Variants in TEAD4 observed in about 807,000 individuals in gnomAD.
TEAD4 encodes transcriptional enhancer factor TEF-3.
A neutral mutation model predicts 52.4 loss-of-function variants in TEAD4; 36 were observed. The ratio of observed to expected loss-of-function variants is 0.69; its 90% CI spans 0.53 to 0.91. The LOEUF (loss-of-function observed/expected upper bound fraction) is 0.91, where lower values mean the gene tolerates loss of function less well. Among genes scored for constraint, TEAD4 ranks in the 40% least tolerant of loss-of-function variants. The pLI is 0.00. For synonymous variants in TEAD4, 220 were observed against 231.0 expected, an observed-to-expected ratio of 0.95 and a Z score of 0.43; for missense variants, 508 against 583.9, an observed-to-expected ratio of 0.87 and a Z score of 1.34.
chr12:2,988,508 C>CAAA (rs35233597), intron 2 of TEAD4, among the ~76,000 whole-genome samples: 1 of 131,294 alleles, frequency 7.6e-6, no homozygotes, highest in African/African-American at 3.0e-5. Flanking sequence ...AAAAAAAGCT[C>CAAA]AAAAAAAAAA....
rs1031120565 is a variant in TEAD4 at position 3,018,447 on chromosome 12, C to G, written c.484-98C>G. 4 of 1,431,612 alleles carry G rather than the reference C, an allele frequency of 2.8e-6. No homozygotes were observed. The African/African-American group carries it at 5.6e-5, about 20-fold the overall frequency. The allele number at this position is 1,431,612 out of a possible 1,614,324, so 88.7% of individuals were successfully genotyped here. A position where few individuals can be genotyped will look rare whatever the true frequency, so the allele number is the denominator to read the frequency against. ...GAGGCCTCGGGCTCCAGCCTCTCCT[C>G]CCAGTGGAGGCCCTGCCCGGTCCTA... is the stretch of plus-strand genomic sequence containing the variant. On this transcript the variant is annotated intron_variant, in intron 6 of 12. Coordinates refer to ENST00000359864, the MANE Select transcript of TEAD4 (RefSeq NM_003213.4).
At chr12:3,025,998 T>A (rs1277988095) in intron 10 of TEAD4, among the ~76,000 whole-genome samples, 1 of 152,170 alleles carries the variant, frequency 6.6e-6, no homozygotes, top group Non-Finnish European at 1.5e-5. Flanking sequence ...AGTTTCACAT[T>A]GGTGAGCTTT....
intron 10 of TEAD4, among the ~76,000 whole-genome samples, chr12:3,024,282 T>A (rs1290660912): frequency 2.0e-5 from 3 of 152,094 alleles, no homozygotes; most frequent in African/African-American, 7.2e-5. Context: ...TTCACCGTGT[T>A]AGCCAGGATG....
intron 6 of TEAD4, 51 bp downstream of exon 6, chr12:3,017,577 T>TCCTC (rs2098265529): frequency 6.4e-7 from 1 of 1,560,594 alleles, no homozygotes; most frequent in African/African-American, 1.4e-5. Context: ...TCCTCCTCCC[T>TCCTC]CCTCCCTGTT....
chr12:2,978,398 T>G (rs183468795), intron 2 of TEAD4, among the ~76,000 whole-genome samples: 2,990 of 149,168 alleles, frequency 0.02, 94 homozygotes, highest in Admixed American at 0.082. Flanking sequence ...TGTCTTTTTG[T>G]TTTTTTTTGT....
chr12:2,962,943 C>T (rs1021680828), intron 2 of TEAD4, among the ~76,000 whole-genome samples: 1 of 152,196 alleles, frequency 6.6e-6, no homozygotes, highest in Non-Finnish European at 1.5e-5. Context: ...CCCTAGCCGC[C>T]TTCATCCAAC....
At chr12:2,986,894 G>A (rs1591566578) in intron 2 of TEAD4, among the ~76,000 whole-genome samples, 1 of 152,158 alleles carries the variant, frequency 6.6e-6, no homozygotes, top group African/African-American at 2.4e-5. Flanking sequence ...GCAATAGGAA[G>A]TTTTCAGCTC....
At chr12:2,991,616 T>C (rs1000625894) in intron 2 of TEAD4, among the ~76,000 whole-genome samples, 2 of 152,118 alleles carry the variant, frequency 1.3e-5, no homozygotes, top group African/African-American at 4.8e-5. Context: ...GAGCCGAGAT[T>C]GTACCATTGC....
At chr12:2,969,840 C>G (rs1386913139) in intron 2 of TEAD4, among the ~76,000 whole-genome samples, 1 of 152,188 alleles carries the variant, frequency 6.6e-6, no homozygotes, top group Admixed American at 6.5e-5. Context: ...GAAGATGACC[C>G]CCCACAACCC....
chr12:3,017,249 A>T, intron 5 of TEAD4, 149 bp from the exon 6 acceptor site: 1 of 1,032,844 alleles, frequency 9.7e-7, no homozygotes, highest in Non-Finnish European at 1.4e-6. Flanking sequence ...TTGCAAAACA[A>T]GTTAATAGCA....
intron 2 of TEAD4, among the ~76,000 whole-genome samples, chr12:2,967,432 C>G (rs945502916): frequency 6.6e-6 from 1 of 152,078 alleles, no homozygotes; most frequent in Non-Finnish European, 1.5e-5. Flanking sequence ...TTAACTATGC[C>G]CTACTGACTT....
At chr12:3,037,902 C>T (rs1192079511) in intron 10 of TEAD4, 66 bp from the exon 11 acceptor site, 13 of 1,563,928 alleles carry the variant, frequency 8.3e-6, no homozygotes, top group Non-Finnish European at 1.1e-5. Context: ...CCTGAGGTCT[C>T]CTTGATGCTC....
In TEAD4 at chr12:3,018,401, G is replaced by A. The variant is rs1414404092; in HGVS notation, c.484-144G>A. ...CACTCTGGGGGTGCTGCTGTGGCCT[G>A]TTAGCATTCACTAGCTAGGCGAGGC... On this transcript the variant is annotated intron_variant, in intron 6 of 12. Coordinates refer to ENST00000359864, the MANE Select transcript of TEAD4 (RefSeq NM_003213.4). 3 of 875,770 alleles carry A rather than the reference G, an allele frequency of 3.4e-6. No homozygotes were observed. The African/African-American group carries it at 5.0e-5, about 15-fold the overall frequency. The allele number at this position is 875,770 out of a possible 1,614,324, so 54.2% of individuals were successfully genotyped here.
intron 2 of TEAD4, 152 bp downstream of exon 2, chr12:2,960,192 G>A: frequency 1.6e-6 from 1 of 639,374 alleles, no homozygotes. Flanking sequence ...CGGCTCCAGG[G>A]GCGGGTAAGG....
At chr12:3,011,504 T>G (rs1591584396) in intron 4 of TEAD4, among the ~76,000 whole-genome samples, 2 of 151,832 alleles carry the variant, frequency 1.3e-5, no homozygotes, top group East Asian at 3.9e-4. Context: ...AGTGGTAGGA[T>G]TATAGGCGTG....
intron 2 of TEAD4, among the ~76,000 whole-genome samples, chr12:2,964,876 CT>C (rs956884057): frequency 1.3e-5 from 2 of 152,128 alleles, no homozygotes; most frequent in Admixed American, 1.3e-4. Flanking sequence ...GTCGACCAGA[CT>C]TTGTGAGGAG....
chr12:3,032,579 G>C (rs1163321939), intron 10 of TEAD4, among the ~76,000 whole-genome samples: 3 of 152,194 alleles, frequency 2.0e-5, no homozygotes, highest in Non-Finnish European at 4.4e-5. Flanking sequence ...CTGCTTCTTT[G>C]TGTGAATAGT....
chr12:3,017,388 T>A lies in TEAD4; in HGVS notation c.355-10T>A. On this transcript the variant is annotated splice_polypyrimidine_tract_variant and intron_variant, in intron 5 of 12. Transcript: ENST00000359864. Reference sequence around the variant, plus strand: ...CCTGCTGAGGTCCTCCCTTGCAATGTCTCCCCCAGGACCAGGCAGCTAAGG... The same window carrying A: ...CCTGCTGAGGTCCTCCCTTGCAATGACTCCCCCAGGACCAGGCAGCTAAGG... The A allele has an allele frequency of 6.2e-7, 1 of 1,613,976 alleles. No homozygotes were observed. The highest frequency in any genetic ancestry group is 8.5e-7 in the Non-Finnish European group (1 of 1,179,976).
At chr12:2,980,498 C>T (rs776823007) in intron 2 of TEAD4, among the ~76,000 whole-genome samples, 2 of 152,024 alleles carry the variant, frequency 1.3e-5, no homozygotes, top group African/African-American at 4.8e-5. Context: ...TTTGGGAGGC[C>T]GAGACGGGCG....
Sources: allele counts gnomAD v4.1 joint callset (sites outside exome capture counted in the v4.1 genomes callset), GRCh38; gene constraint gnomAD v4.1.1; transcripts MANE v1.5; gene names NCBI Gene and HGNC (gene_info 2026-07-23, HGNC 2026-07-21).